ATRNL1: variants seen among roughly 807,000 people sequenced by gnomAD.
The protein encoded by ATRNL1 is attractin-like protein 1.
In ATRNL1, 95 loss-of-function variants were observed where a neutral mutation model predicts 182.7. The observed-to-expected ratio is 0.52, with a 90% CI of 0.44 to 0.62. ATRNL1 has a LOEUF of 0.62. Ranked by LOEUF, ATRNL1 falls within the 20% of genes least tolerant of loss-of-function variation. ATRNL1 has a pLI of 0.00. For synonymous variants in ATRNL1, 576 were observed against 568.3 expected (o/e 1.01, Z -0.19); for missense variants, 1,471 against 1,679.5 (o/e 0.88, Z 2.17).
chr10:115,144,649 A>G (rs1282288123), intron 5 of ATRNL1, among the ~76,000 whole-genome samples: 3 of 152,326 alleles, frequency 2.0e-5, no homozygotes, highest in African/African-American at 7.2e-5. Flanking sequence ...TGGAGGAACT[A>G]TTCTCTATTC....
chr10:115,901,029 TAG>T (rs1173074655), intron 28 of ATRNL1, among the ~76,000 whole-genome samples: 2 of 152,178 alleles, frequency 1.3e-5, no homozygotes, highest in Non-Finnish European at 2.9e-5. Flanking sequence ...AATAATGGTA[TAG>T]AGGAGTTCAT....
At chr10:115,602,180 C>A (rs1268051387) in intron 26 of ATRNL1, among the ~76,000 whole-genome samples, 1 of 151,918 alleles carries the variant, frequency 6.6e-6, no homozygotes, top group Admixed American at 6.6e-5. Context: ...ATGGCAAAAC[C>A]CTGTCTCTAC....
At chr10:115,900,085 G>C (rs1012490520) in intron 28 of ATRNL1, among the ~76,000 whole-genome samples, 6 of 152,090 alleles carry the variant, frequency 3.9e-5, no homozygotes, top group African/African-American at 1.4e-4. Context: ...ATTTTAAAAA[G>C]TGGAGAGTCT....
At chr10:115,327,752 G>T (rs1854984822) in intron 18 of ATRNL1, among the ~76,000 whole-genome samples, 1 of 151,842 alleles carries the variant, frequency 6.6e-6, no homozygotes, top group Non-Finnish European at 1.5e-5. Flanking sequence ...ATACTATGCA[G>T]CCATAAAAAA....
intron 26 of ATRNL1, among the ~76,000 whole-genome samples, chr10:115,583,488 G>A (rs11197309): frequency 0.96 from 100,475 of 105,092 alleles, 49,003 homozygotes; most frequent in East Asian, 1. Flanking sequence ...TTGGATTCCT[G>A]GGTATTTTAT....
intron 19 of ATRNL1, among the ~76,000 whole-genome samples, chr10:115,344,415 C>A (rs1855887614): frequency 6.6e-6 from 1 of 152,100 alleles, no homozygotes; most frequent in Non-Finnish European, 1.5e-5. Flanking sequence ...CCACTGCCAT[C>A]AAAGGCCATG....
intron 26 of ATRNL1, among the ~76,000 whole-genome samples, chr10:115,559,299 A>G (rs1853521257): frequency 6.6e-6 from 1 of 152,210 alleles, no homozygotes; most frequent in Admixed American, 6.5e-5. Flanking sequence ...TTCCAATTAG[A>G]TACATCAACA....
At chr10:115,191,278 T>C (rs1848159588) in intron 8 of ATRNL1, among the ~76,000 whole-genome samples, 1 of 152,130 alleles carries the variant, frequency 6.6e-6, no homozygotes, top group Admixed American at 6.6e-5. Flanking sequence ...TTTTTAGTTT[T>C]TTAGGAACTC....
intron 19 of ATRNL1, among the ~76,000 whole-genome samples, chr10:115,370,075 GT>G (rs1226262012): frequency 2.6e-5 from 4 of 152,176 alleles, no homozygotes; most frequent in African/African-American, 7.2e-5. Context: ...ATAAAGGGGA[GT>G]TTCCCTGCAC....
At chr10:115,796,950 T>C (rs1235014516) in intron 27 of ATRNL1, among the ~76,000 whole-genome samples, 1 of 152,214 alleles carries the variant, frequency 6.6e-6, no homozygotes, top group African/African-American at 2.4e-5. Flanking sequence ...CTTTCTTCCA[T>C]TTTCATAATA....
Position 115,241,738 on chromosome 10 carries a change from T to C in ATRNL1, c.1687+13T>C, listed in dbSNP as rs1850431527. The C allele has an allele frequency of 6.2e-7, 1 of 1,602,726 alleles. No homozygotes were observed. Among genetic ancestry groups the C allele is most frequent in the East Asian group, 2.2e-5 (1 of 44,702 alleles). ...GCATATGACATAGGTATGTATCTGTTAGGATTGTACAAAGTAGGAAATATC... is the reference window on the plus strand; with the variant it reads ...GCATATGACATAGGTATGTATCTGTCAGGATTGTACAAAGTAGGAAATATC... On this transcript the variant is annotated intron_variant, in intron 10 of 28. Coordinates refer to ENST00000355044, the MANE Select transcript of ATRNL1 (RefSeq NM_207303.4).
At chr10:115,473,042 A>G (rs1554972418) in intron 24 of ATRNL1, among the ~76,000 whole-genome samples, 1 of 151,194 alleles carries the variant, frequency 6.6e-6, no homozygotes, top group Non-Finnish European at 1.5e-5. Context: ...GGAAGTTTTT[A>G]TCATGAAACA....
chr10:115,540,763 A>C (rs1238786532), intron 25 of ATRNL1, among the ~76,000 whole-genome samples: 1 of 95,332 alleles, frequency 1.0e-5, no homozygotes, highest in African/African-American at 3.6e-5. Flanking sequence ...GTCTAAAAAA[A>C]AAAAAAAAAG....
chr10:115,623,040 A>T (rs141791803), intron 26 of ATRNL1, among the ~76,000 whole-genome samples: 334 of 152,342 alleles, frequency 2.2e-3, no homozygotes, highest in African/African-American at 7.6e-3. Context: ...CTAACAGCAT[A>T]GCGTCATTGT....
chr10:115,387,258 A>G (rs1858416769), intron 19 of ATRNL1, among the ~76,000 whole-genome samples: 1 of 152,142 alleles, frequency 6.6e-6, no homozygotes, highest in African/African-American at 2.4e-5. Flanking sequence ...TGCTGCTTTA[A>G]TTTGTTTAAA....
intron 26 of ATRNL1, among the ~76,000 whole-genome samples, chr10:115,689,353 A>T (rs1377672389): frequency 6.6e-6 from 1 of 152,024 alleles, no homozygotes; most frequent in African/African-American, 2.4e-5. Context: ...TTTATTTGAA[A>T]TCTTTTTGGC....
chr10:115,567,278 A>G (rs1313302928), intron 26 of ATRNL1, among the ~76,000 whole-genome samples: 4 of 152,148 alleles, frequency 2.6e-5, no homozygotes, highest in Non-Finnish European at 5.9e-5. Context: ...AATTAAAGAT[A>G]ATGCTTTTTT....
At chr10:115,770,664 T>C (rs934918912) in intron 27 of ATRNL1, among the ~76,000 whole-genome samples, 1 of 152,154 alleles carries the variant, frequency 6.6e-6, no homozygotes, top group Non-Finnish European at 1.5e-5. Flanking sequence ...AAATACACTG[T>C]AATCCACAGA....
chr10:115,881,474 A>C (rs782108123), intron 28 of ATRNL1, among the ~76,000 whole-genome samples: 2 of 152,168 alleles, frequency 1.3e-5, no homozygotes, highest in African/African-American at 2.4e-5. Flanking sequence ...TTTCACCCAC[A>C]AAGCTTTGTT....
Sources: gnomAD v4.1 joint callset for allele counts (sites outside exome capture counted in the v4.1 genomes callset) on GRCh38, gnomAD v4.1.1 for gene constraint, MANE v1.5 for transcripts, NCBI Gene and HGNC (gene_info 2026-07-23, HGNC 2026-07-21) for gene names.